The following BMP5 variants were observed in gnomAD, a reference collection of about 807,000 sequenced individuals.
BMP5 encodes bone morphogenetic protein 5.
BMP5 carries 23 observed loss-of-function variants against 46.6 expected under a neutral mutation model. The observed-to-expected ratio is 0.49, with a 90% CI of 0.35 to 0.70. The LOEUF (loss-of-function observed/expected upper bound fraction) is 0.70, where lower values mean the gene tolerates loss of function less well. BMP5 is among the 30% of genes least tolerant of loss of function. BMP5 has a pLI of 0.00. For missense variants in BMP5, 545 were observed against 565.6 expected, an observed-to-expected ratio of 0.96 and a Z score of 0.37; for synonymous variants, 204 against 191.9, an observed-to-expected ratio of 1.06 and a Z score of -0.52.
In BMP5 at chr6:55,874,790, T is replaced by C; in HGVS notation, c.76A>G (p.Lys26Glu). ...WSCWVLVGYAKGGLGDNHVHS... is the reference protein window; with the variant it reads ...WSCWVLVGYAEGGLGDNHVHS... ...ACATGATTGTCTCCCAAACCTCCTT[T>C]TGCATAACCCACTAGAACCCAGCAG... Residue 26 changes from lysine (K) to glutamate (E), a missense_variant, in exon 1 of 7, where the codon AAA (lysine) becomes GAA (glutamate). Physicochemically the swap from Lys to Glu is moderately conservative, Grantham distance 56. Transcript: ENST00000370830. 4 of 1,613,474 alleles carry C rather than the reference T, an allele frequency of 2.5e-6. No homozygotes were observed. The highest frequency in any genetic ancestry group is 3.4e-6 in the Non-Finnish European group (4 of 1,179,650).
At chr6:55,788,968 T>C (rs1285014541) in intron 3 of BMP5, among the ~76,000 whole-genome samples, 2 of 151,814 alleles carry the variant, frequency 1.3e-5, no homozygotes, top group Non-Finnish European at 3.0e-5. Context: ...TTTTTCTTGA[T>C]TTGGGTACAA....
In BMP5 at chr6:55,753,783, A is replaced by C; in HGVS notation, c.*1750T>G. The stretch of plus-strand genomic sequence containing the variant: ...ATTTGATAAATATTCTTATTGTCTC[A>C]ATTTATGATATACTTACATTTTGTA... On this transcript the variant is annotated 3_prime_UTR_variant, in exon 7 of 7. Transcript: ENST00000370830. 6.6e-6 allele frequency: 1 copy of C among 151,932 alleles called. No individual in the cohort carries two copies. Among genetic ancestry groups the C allele is most frequent in the East Asian group, 1.9e-4 (1 of 5,162 alleles). The allele number at this position is 151,932 out of a possible 1,614,324, so 9.4% of individuals were successfully genotyped here. A position where few individuals can be genotyped will look rare whatever the true frequency, so the allele number is the denominator to read the frequency against.
At chr6:55,786,568 T>G (rs1775455659) in intron 3 of BMP5, among the ~76,000 whole-genome samples, 1 of 151,710 alleles carries the variant, frequency 6.6e-6, no homozygotes, top group African/African-American at 2.4e-5. Flanking sequence ...TTTTATTTAT[T>G]AATTTCATTT....
At chr6:55,818,383 T>C (rs1409656765) in intron 2 of BMP5, among the ~76,000 whole-genome samples, 1 of 152,118 alleles carries the variant, frequency 6.6e-6, no homozygotes, top group Non-Finnish European at 1.5e-5. Flanking sequence ...CTCTCAAATA[T>C]AATCACTGTT....
rs375538283 is a variant in BMP5 at position 55,764,535 on chromosome 6, T to G, written c.1028-4002A>C. On this transcript the variant is annotated intron_variant, in intron 4 of 6. Coordinates refer to ENST00000370830, the MANE Select transcript of BMP5 (RefSeq NM_021073.4). ...TTGCAGTGAGCGAGATGGTGCCACTTCACTTCAGCCTGGGCGACAGAGCAA... is the reference window on the plus strand; with the variant it reads ...TTGCAGTGAGCGAGATGGTGCCACTGCACTTCAGCCTGGGCGACAGAGCAA... Among the ~76,000 whole-genome samples, 839 of 144,278 alleles carry G rather than the reference T, an allele frequency of 5.8e-3. 9 individuals carry two copies. The highest frequency in any genetic ancestry group is 0.021 in the African/African-American group (787 of 38,090). 94.7% of individuals were successfully genotyped at this position (144,278 alleles called of 152,430 possible).
chr6:55,828,562 G>A (rs557735325), intron 1 of BMP5, among the ~76,000 whole-genome samples: 2 of 151,640 alleles, frequency 1.3e-5, no homozygotes, highest in African/African-American at 2.4e-5. Flanking sequence ...GTTGGAGTTT[G>A]CATATTTTAT....
At chr6:55,861,339 T>C (rs776200175) in intron 1 of BMP5, among the ~76,000 whole-genome samples, 3 of 152,206 alleles carry the variant, frequency 2.0e-5, no homozygotes, top group Non-Finnish European at 4.4e-5. Context: ...AGGTTGGAAA[T>C]CACCCAGCAT....
intron 1 of BMP5, among the ~76,000 whole-genome samples, chr6:55,870,824 T>A (rs1346765541): frequency 1.3e-5 from 2 of 152,244 alleles, no homozygotes; most frequent in Non-Finnish European, 2.9e-5. Flanking sequence ...AGACTAAATA[T>A]GTTTTTATAT....
chr6:55,835,241 C>T (rs565599159), intron 1 of BMP5, among the ~76,000 whole-genome samples: 1 of 152,164 alleles, frequency 6.6e-6, no homozygotes, highest in East Asian at 1.9e-4. Context: ...AGAACCAAGA[C>T]CCTGTCCCCA....
At chr6:55,770,810 A>T (rs890787529) in intron 4 of BMP5, among the ~76,000 whole-genome samples, 1 of 151,918 alleles carries the variant, frequency 6.6e-6, no homozygotes, top group African/African-American at 2.4e-5. Context: ...CTCAGGGAAT[A>T]GGGAACCCAA....
intron 4 of BMP5, among the ~76,000 whole-genome samples, chr6:55,761,464 C>T (rs1471008499): frequency 6.6e-6 from 1 of 151,910 alleles, no homozygotes; most frequent in Non-Finnish European, 1.5e-5. Flanking sequence ...TCTTATTACC[C>T]CTCTGACTCA....
chr6:55,754,148 T>C lies in BMP5; in HGVS notation c.*1385A>G, dbSNP rs1774520773. 6.6e-6 allele frequency: 1 copy of C among 151,996 alleles called. No homozygotes were observed. Among genetic ancestry groups the C allele is most frequent in the African/African-American group, 2.4e-5 (1 of 41,436 alleles). 9.4% of individuals were successfully genotyped at this position (151,996 alleles called of 1,614,324 possible). A position where few individuals can be genotyped will look rare whatever the true frequency, so the allele number is the denominator to read the frequency against. On this transcript the variant is annotated 3_prime_UTR_variant, in exon 7 of 7. Coordinates refer to ENST00000370830, the MANE Select transcript of BMP5 (RefSeq NM_021073.4). ...TGATTAATAAATGGTGCTTTATGAA[T>C]ACTTTAGATTAACGGTAAATAAGCC...
intron 1 of BMP5, among the ~76,000 whole-genome samples, chr6:55,820,593 T>C (rs1776383539): frequency 6.6e-6 from 1 of 151,924 alleles, no homozygotes; most frequent in South Asian, 2.1e-4. Context: ...AATTTTTTTA[T>C]TTTTTGTAGG....
intron 1 of BMP5, among the ~76,000 whole-genome samples, chr6:55,861,607 G>A (rs1777527447): frequency 6.6e-6 from 1 of 152,082 alleles, no homozygotes; most frequent in Admixed American, 6.5e-5. Context: ...TGTTTCATGA[G>A]TATTTGCCTC....
At chr6:55,837,229 A>G (rs1339792312) in intron 1 of BMP5, among the ~76,000 whole-genome samples, 3 of 152,034 alleles carry the variant, frequency 2.0e-5, no homozygotes, top group Admixed American at 2.0e-4. Context: ...TTCTTTAACT[A>G]ATTATGATAA....
intron 3 of BMP5, among the ~76,000 whole-genome samples, chr6:55,780,871 T>C (rs1044460442): frequency 1.3e-5 from 2 of 152,166 alleles, no homozygotes; most frequent in Admixed American, 1.3e-4. Flanking sequence ...CTGTCCAGAA[T>C]GCTGAAATGT....
At chr6:55,864,821 C>A (rs902955585) in intron 1 of BMP5, among the ~76,000 whole-genome samples, 28 of 151,326 alleles carry the variant, frequency 1.9e-4, no homozygotes, top group African/African-American at 6.6e-4. Context: ...GGAGACCAAA[C>A]AAATACATTT....
At chr6:55,769,488 C>A (rs1273316936) in intron 4 of BMP5, among the ~76,000 whole-genome samples, 1 of 151,838 alleles carries the variant, frequency 6.6e-6, no homozygotes, top group Non-Finnish European at 1.5e-5. Context: ...AATTCAAGTT[C>A]TCTTGCTATT....
intron 4 of BMP5, among the ~76,000 whole-genome samples, chr6:55,768,816 T>C (rs1774978911): frequency 6.6e-6 from 1 of 151,950 alleles, no homozygotes; most frequent in Non-Finnish European, 1.5e-5. Context: ...ACTGGGGAGA[T>C]ATTGTGAATT....
Sources: allele counts gnomAD v4.1 joint callset (sites outside exome capture counted in the v4.1 genomes callset), GRCh38; gene constraint gnomAD v4.1.1; transcripts MANE v1.5; gene names NCBI Gene and HGNC (gene_info 2026-07-23, HGNC 2026-07-21).